The following SEC63 variants were observed in gnomAD, a reference collection of about 807,000 sequenced individuals.
SEC63 encodes translocation protein SEC63 homolog.
A neutral mutation model predicts 116.2 loss-of-function variants in SEC63; 56 were observed. The ratio of observed to expected loss-of-function variants is 0.48; its 90% CI spans 0.39 to 0.60. The LOEUF (loss-of-function observed/expected upper bound fraction) is 0.60. Ranked by LOEUF, SEC63 falls within the 20% of genes least tolerant of loss-of-function variation. SEC63 has a pLI of 0.00. For missense variants in SEC63, 668 were observed against 900.0 expected, an observed-to-expected ratio of 0.74 and a Z score of 3.30; for synonymous variants, 273 against 294.6, an observed-to-expected ratio of 0.93 and a Z score of 0.75.
At chr6:107,924,615 A>T (rs1350716676) in intron 3 of SEC63, among the ~76,000 whole-genome samples, 1 of 152,168 alleles carries the variant, frequency 6.6e-6, no homozygotes, top group African/African-American at 2.4e-5. Context: ...ATATTTTAGC[A>T]ATTGAAAACC....
chr6:107,913,113 CT>C (rs1373728635), intron 5 of SEC63, among the ~76,000 whole-genome samples: 1 of 151,914 alleles, frequency 6.6e-6, no homozygotes, highest in Non-Finnish European at 1.5e-5. Context: ...AGATTTTTTC[CT>C]CCAAATTTTT....
chr6:107,946,566 T>C (rs998434781), intron 1 of SEC63, among the ~76,000 whole-genome samples: 1 of 152,238 alleles, frequency 6.6e-6, no homozygotes, highest in African/African-American at 2.4e-5. Context: ...CATGTTGTCC[T>C]GTAATTCCTA....
At chr6:107,928,196 G>C (rs1362883744) in intron 2 of SEC63, among the ~76,000 whole-genome samples, 1 of 152,054 alleles carries the variant, frequency 6.6e-6, no homozygotes, top group East Asian at 1.9e-4. Context: ...AAACTAAACT[G>C]GGTGGCTCAT....
chr6:107,901,328 T>A (rs773493464), intron 13 of SEC63, 42 bp downstream of exon 13: 1 of 1,587,730 alleles, frequency 6.3e-7, no homozygotes. Flanking sequence ...AACCAATCTA[T>A]CAAAAGGGAA....
intron 1 of SEC63, among the ~76,000 whole-genome samples, chr6:107,944,302 T>C (rs1244463786): frequency 6.6e-6 from 1 of 152,152 alleles, no homozygotes; most frequent in Admixed American, 6.6e-5. Flanking sequence ...AAGAAAGTAA[T>C]CCTGTCAATT....
intron 1 of SEC63, among the ~76,000 whole-genome samples, chr6:107,952,397 T>C (rs1373395997): frequency 6.6e-6 from 1 of 152,112 alleles, no homozygotes; most frequent in East Asian, 1.9e-4. Context: ...GAAACGACTG[T>C]CAACCTTAAA....
chr6:107,893,563 A>C lies in SEC63; in HGVS notation c.1593T>G (p.Pro531=). Residue 531 remains proline (P), a synonymous_variant, in exon 16 of 21, where the codon CCT becomes CCG. Coordinates refer to ENST00000369002, the MANE Select transcript of SEC63 (RefSeq NM_007214.5). ...GCACAGGTGTAGGTTTTTTTTTTAA[A>C]GGTTTCTTTTTTTTTGATTTAGCAG... ...KKTAKSKKKK[P]LKKKPTPVLL... is the part of the protein sequence containing the mutation. The C allele has an allele frequency of 6.3e-7, 1 of 1,596,552 alleles. No individual in the cohort carries two copies. The highest frequency in any genetic ancestry group is 1.2e-5 in the South Asian group (1 of 85,754).
chr6:107,873,482 C>A (rs142960585), intron 19 of SEC63, among the ~76,000 whole-genome samples: 1 of 152,166 alleles, frequency 6.6e-6, no homozygotes, highest in East Asian at 1.9e-4. Flanking sequence ...CTCTAGTGAT[C>A]TGCTCCAATC....
At chr6:107,944,917 A>AAAGCAAAAAAAGAGTTGGAATCTACAC (rs1562340333) in intron 1 of SEC63, among the ~76,000 whole-genome samples, 1 of 25,768 alleles carries the variant, frequency 3.9e-5, no homozygotes, top group Admixed American at 3.9e-4. Context: ...ACAAAAATCT[A>AAAGCAAAAAAAGAGTTGGAATCTACAC]GGCCGGGCGC....
Position 107,921,746 on chromosome 6 carries a change from C to G in SEC63, c.452+51G>C, listed in dbSNP as rs1257053932. On this transcript the variant is annotated intron_variant, in intron 4 of 20. Coordinates refer to ENST00000369002, the MANE Select transcript of SEC63 (RefSeq NM_007214.5). ...GGATTACAGGCATGAACCACTGCAC[C>G]TGGCTTATCTGTACCATTCTTAAAA... The G allele has an allele frequency of 5.2e-6, 6 of 1,158,694 alleles. No individual in the cohort carries two copies. In the East Asian group the frequency reaches 1.4e-4, roughly 27 times the overall value. 71.8% of individuals were successfully genotyped at this position (1,158,694 alleles called of 1,614,324 possible).
At chr6:107,947,794 G>A (rs1051134776) in intron 1 of SEC63, among the ~76,000 whole-genome samples, 1 of 151,966 alleles carries the variant, frequency 6.6e-6, no homozygotes, top group African/African-American at 2.4e-5. Context: ...CCTGTCACTG[G>A]AAAGAGCCTC....
At chr6:107,899,785 C>A (rs1786955818) in intron 13 of SEC63, among the ~76,000 whole-genome samples, 1 of 152,120 alleles carries the variant, frequency 6.6e-6, no homozygotes, top group Admixed American at 6.5e-5. Flanking sequence ...CACAAAGTAT[C>A]TCTAAGTCCC....
intron 19 of SEC63, among the ~76,000 whole-genome samples, chr6:107,874,013 C>T (rs1316497214): frequency 3.3e-5 from 5 of 152,082 alleles, no homozygotes; most frequent in African/African-American, 9.7e-5. Flanking sequence ...GAGAATAGGA[C>T]ATTCACACAG....
chr6:107,867,846 A>C lies in SEC63; in HGVS notation c.*3858T>G, dbSNP rs1482054538. ...CATTATAAAACACACAAAAATAGAA[A>C]TTTAAAAGGATGAGATTAAATACAA... is the stretch of plus-strand genomic sequence containing the variant. On this transcript the variant is annotated 3_prime_UTR_variant, in exon 21 of 21. Coordinates refer to ENST00000369002, the MANE Select transcript of SEC63 (RefSeq NM_007214.5). 3.9e-5 allele frequency: 6 copies of C among 152,198 alleles called. No individual in the cohort carries two copies. Among genetic ancestry groups the C allele is most frequent in the African/African-American group, 1.4e-4 (6 of 41,440 alleles). The allele number at this position is 152,198 out of a possible 1,614,324, so 9.4% of individuals were successfully genotyped here.
chr6:107,905,696 T>C (rs1479387272), intron 10 of SEC63, among the ~76,000 whole-genome samples: 3 of 152,016 alleles, frequency 2.0e-5, no homozygotes, highest in African/African-American at 7.2e-5. Flanking sequence ...AGGTGAGAGG[T>C]GTTGGTTGTT....
At chr6:107,946,119 T>G (rs1770476614) in intron 1 of SEC63, among the ~76,000 whole-genome samples, 1 of 151,834 alleles carries the variant, frequency 6.6e-6, no homozygotes, top group Admixed American at 6.6e-5. Flanking sequence ...GTATTTTTAG[T>G]AAAGACGGGG....
chr6:107,875,025 G>C (rs1352020196), intron 19 of SEC63, among the ~76,000 whole-genome samples: 71 of 149,234 alleles, frequency 4.8e-4, no homozygotes, highest in Non-Finnish European at 1.5e-5. Context: ...CCTGGATTTT[G>C]TTTTTGTTTT....
intron 7 of SEC63, 90 bp from the exon 8 acceptor site, chr6:107,909,125 T>C: frequency 1.1e-6 from 1 of 917,640 alleles, no homozygotes. Context: ...CCCAGCACTT[T>C]GGGAGGCTGA....
intron 16 of SEC63, among the ~76,000 whole-genome samples, chr6:107,890,473 A>C (rs750553657): frequency 1.3e-5 from 2 of 152,072 alleles, no homozygotes; most frequent in Non-Finnish European, 2.9e-5. Flanking sequence ...TTTTCACGTG[A>C]GATGGGTCTC....
Sources: allele counts gnomAD v4.1 joint callset (sites outside exome capture counted in the v4.1 genomes callset), GRCh38; gene constraint gnomAD v4.1.1; transcripts MANE v1.5; gene names NCBI Gene and HGNC (gene_info 2026-07-23, HGNC 2026-07-21).